Variants in OSTN observed in about 807,000 individuals in gnomAD.
OSTN encodes the protein osteocrin.
A neutral mutation model predicts 12.0 loss-of-function variants in OSTN; 9 were observed. That is an observed-to-expected ratio of 0.75 (90% CI 0.45 to 1.30). The LOEUF (loss-of-function observed/expected upper bound fraction) is 1.30, where lower values mean the gene tolerates loss of function less well. Among genes scored for constraint, OSTN ranks in the 50% most tolerant of loss-of-function variants. The pLI is 0.00. For synonymous variants in OSTN, 59 were observed against 56.9 expected (o/e 1.04, Z -0.16); for missense variants, 148 against 152.3 (o/e 0.97, Z 0.15).
At chr3:191,244,080 G>A (rs1167869801) in intron 3 of OSTN, among the ~76,000 whole-genome samples, 6 of 152,040 alleles carry the variant, frequency 3.9e-5, no homozygotes, top group East Asian at 1.9e-4. Context: ...TGGGAATAGG[G>A]CTGTTCATTT....
At chr3:191,225,299 T>G (rs1228382106) in intron 3 of OSTN, among the ~76,000 whole-genome samples, 2 of 152,196 alleles carry the variant, frequency 1.3e-5, no homozygotes, top group Non-Finnish European at 2.9e-5. Flanking sequence ...CTTTAAAGTT[T>G]ATTTATTATT....
chr3:191,250,630 A>T (rs1715542175), intron 4 of OSTN, among the ~76,000 whole-genome samples: 1 of 152,174 alleles, frequency 6.6e-6, no homozygotes, highest in African/African-American at 2.4e-5. Flanking sequence ...CCAAATCCTG[A>T]TTCTTTCATT....
intron 4 of OSTN, among the ~76,000 whole-genome samples, chr3:191,255,158 A>G (rs1362926565): frequency 6.6e-6 from 1 of 152,056 alleles, no homozygotes; most frequent in Non-Finnish European, 1.5e-5. Flanking sequence ...CACAACCTAG[A>G]TCCCTTGCAT....
chr3:191,204,119 A>C (rs1284571716), intron 1 of OSTN, among the ~76,000 whole-genome samples: 2 of 152,098 alleles, frequency 1.3e-5, no homozygotes, highest in Non-Finnish European at 2.9e-5. Context: ...CAAACTCCTG[A>C]CCTCAGGTGA....
rs143104913 is a variant in OSTN at position 191,218,261 on chromosome 3, G to A, written c.103-486G>A. Among the ~76,000 whole-genome samples, 540 of 151,740 alleles carry A rather than the reference G, an allele frequency of 3.6e-3. 2 individuals are homozygous for A. The highest frequency in any genetic ancestry group is 0.012 in the African/African-American group (500 of 41,318). On this transcript the variant is annotated intron_variant, in intron 2 of 4. Transcript: ENST00000682035. Reference sequence around the variant, plus strand: ...TTTTCTTGTTTTATTTTTTCCCTTCGTTATACCCCTCTACTATGTGTTTCA... The same window carrying A: ...TTTTCTTGTTTTATTTTTTCCCTTCATTATACCCCTCTACTATGTGTTTCA...
At position 191,262,898 on chromosome 3, in the gene OSTN, T is replaced by C; in HGVS notation, c.*45T>C. The C allele has an allele frequency of 1.4e-6, 1 of 702,110 alleles. No individual in the cohort carries two copies. The highest frequency in any genetic ancestry group is 1.5e-5 in the South Asian group (1 of 67,524). 43.5% of individuals were successfully genotyped at this position (702,110 alleles called of 1,614,324 possible). A position where few individuals can be genotyped will look rare whatever the true frequency, so the allele number is the denominator to read the frequency against. ...TTCCTTGGGTGAAATGTCACAGCAA[T>C]ATGGAAGATGCTTCACTGAAGTTAT... On this transcript the variant is annotated 3_prime_UTR_variant, in exon 5 of 5. Coordinates refer to ENST00000682035, the MANE Select transcript of OSTN (RefSeq NM_198184.2).
At chr3:191,260,484 G>A (rs1715781837) in intron 4 of OSTN, among the ~76,000 whole-genome samples, 1 of 152,062 alleles carries the variant, frequency 6.6e-6, no homozygotes, top group African/African-American at 2.4e-5. Flanking sequence ...GCCAGTCACA[G>A]TTGTGAGGGG....
At chr3:191,212,405 C>G (rs751367469) in intron 1 of OSTN, 128 bp from the exon 2 acceptor site, 18 of 374,930 alleles carry the variant, frequency 4.8e-5, no homozygotes, top group Middle Eastern at 3.5e-4. Context: ...TGTAGAGATG[C>G]ACTCAAATAT....
intron 4 of OSTN, among the ~76,000 whole-genome samples, chr3:191,257,445 T>C (rs1715698493): frequency 6.6e-6 from 1 of 152,104 alleles, no homozygotes; most frequent in African/African-American, 2.4e-5. Context: ...CTGGAGAATC[T>C]AATTTCTCAC....
intron 3 of OSTN, among the ~76,000 whole-genome samples, chr3:191,238,165 C>G (rs188851815): frequency 6.6e-6 from 1 of 151,724 alleles, no homozygotes; most frequent in Admixed American, 6.5e-5. Flanking sequence ...GTGGGAAACA[C>G]AAAAAAGGGA....
chr3:191,209,773 T>A (rs1389707286), intron 1 of OSTN, among the ~76,000 whole-genome samples: 1 of 152,226 alleles, frequency 6.6e-6, no homozygotes, highest in African/African-American at 2.4e-5. Context: ...AGTGACAAGT[T>A]GTTTTTTGTT....
chr3:191,232,758 G>A (rs1289490846), intron 3 of OSTN, among the ~76,000 whole-genome samples: 1 of 151,774 alleles, frequency 6.6e-6, no homozygotes, highest in Non-Finnish European at 1.5e-5. Context: ...GGGATTATAG[G>A]TGCCTGCCAC....
chr3:191,237,508 G>T (rs1032532557), intron 3 of OSTN, among the ~76,000 whole-genome samples: 1 of 152,198 alleles, frequency 6.6e-6, no homozygotes, highest in Non-Finnish European at 1.5e-5. Flanking sequence ...AGAAGGCCAA[G>T]CAGGCATCTT....
chr3:191,212,733 T>C, intron 2 of OSTN, 99 bp downstream of exon 2: 1 of 232,728 alleles, frequency 4.3e-6, no homozygotes. Context: ...ATATATTTCA[T>C]ATACGTAAAT....
intron 4 of OSTN, among the ~76,000 whole-genome samples, chr3:191,258,842 T>C (rs1715735677): frequency 1.3e-5 from 2 of 152,154 alleles, no homozygotes; most frequent in Admixed American, 1.3e-4. Flanking sequence ...CAAGCATTTA[T>C]TGGAAACAAC....
In OSTN at chr3:191,211,348, C is replaced by T. The variant is rs113209163; in HGVS notation, c.1-1185C>T. On this transcript the variant is annotated intron_variant, in intron 1 of 4. Transcript: ENST00000682035. Reference sequence around the variant, plus strand: ...TTTAACAGTAAATATGTATTTAAGTCATTTACTTTAAATCAGTAGTCTGAA... The same window carrying T: ...TTTAACAGTAAATATGTATTTAAGTTATTTACTTTAAATCAGTAGTCTGAA... Among the ~76,000 whole-genome samples the T allele has an allele frequency of 2.9e-3, 449 of 152,208 alleles. 3 individuals are homozygous for T. The highest frequency in any genetic ancestry group is 0.01 in the African/African-American group (421 of 41,544).
chr3:191,225,141 T>C (rs928239209), intron 3 of OSTN, among the ~76,000 whole-genome samples: 1 of 151,980 alleles, frequency 6.6e-6, no homozygotes, highest in Non-Finnish European at 1.5e-5. Flanking sequence ...AACATGGAAA[T>C]AGTCATTACA....
chr3:191,258,608 T>C (rs1316444697), intron 4 of OSTN, among the ~76,000 whole-genome samples: 1 of 151,102 alleles, frequency 6.6e-6, no homozygotes, highest in Admixed American at 6.6e-5. Context: ...TGTATAGCTA[T>C]GTAACAAGCC....
Position 191,224,526 on chromosome 3 carries a change from A to T in OSTN, c.317+5565A>T, listed in dbSNP as rs1264009139. Among the ~76,000 whole-genome samples, 12 of 152,190 alleles carry T rather than the reference A, an allele frequency of 7.9e-5. No homozygotes were observed. The East Asian group carries it at 1.9e-3, about 24-fold the overall frequency. On this transcript the variant is annotated intron_variant, in intron 3 of 4. Coordinates refer to ENST00000682035, the MANE Select transcript of OSTN (RefSeq NM_198184.2). The stretch of plus-strand genomic sequence containing the variant: ...ATTATAAATCTGTTTTGAACTTTGG[A>T]CTACAATAATAGAGAATATAACTTA...
Sources: gnomAD v4.1 joint callset for allele counts (sites outside exome capture counted in the v4.1 genomes callset) on GRCh38, gnomAD v4.1.1 for gene constraint, MANE v1.5 for transcripts, NCBI Gene and HGNC (gene_info 2026-07-23, HGNC 2026-07-21) for gene names.